CRACDL: variants seen among roughly 807,000 people sequenced by gnomAD.
The protein encoded by CRACDL is CRACD-like protein.
In CRACDL, 26 loss-of-function variants were observed where a neutral mutation model predicts 70.6. That is an observed-to-expected ratio of 0.37 (90% CI 0.27 to 0.51). CRACDL has a LOEUF of 0.51. Ranked by LOEUF, CRACDL falls within the 20% of genes least tolerant of loss-of-function variation. CRACDL has a pLI of 0.94. For missense variants in CRACDL, 1,283 were observed against 1,376.9 expected, an observed-to-expected ratio of 0.93 and a Z score of 1.08; for synonymous variants, 618 against 615.2, an observed-to-expected ratio of 1.00 and a Z score of -0.07.
intron 1 of CRACDL, among the ~76,000 whole-genome samples, chr2:98,864,130 T>C (rs960171003): frequency 1.3e-5 from 2 of 152,152 alleles, no homozygotes; most frequent in African/African-American, 4.8e-5. Context: ...GCATTATTTA[T>C]ATAATAATCA....
chr2:98,802,991 T>C (rs1032638286), intron 7 of CRACDL, among the ~76,000 whole-genome samples: 3 of 150,560 alleles, frequency 2.0e-5, no homozygotes, highest in Non-Finnish European at 3.0e-5. Context: ...GTGAGCCACA[T>C]GCCTGGCTTT....
At chr2:98,833,055 G>A in intron 3 of CRACDL, 58 bp from the exon 4 acceptor site, 1 of 1,522,616 alleles carries the variant, frequency 6.6e-7, no homozygotes, top group South Asian at 1.2e-5. Context: ...GACCCCTGGG[G>A]GGCTCAGAAT....
At chr2:98,810,469 G>GA (rs1431293409) in intron 7 of CRACDL, among the ~76,000 whole-genome samples, 6 of 152,196 alleles carry the variant, frequency 3.9e-5, no homozygotes, top group Non-Finnish European at 8.8e-5. Context: ...AAGAGAGTTG[G>GA]AGGGAGGAGG....
At chr2:98,871,654 T>C (rs1054943329) in intron 1 of CRACDL, among the ~76,000 whole-genome samples, 2 of 152,244 alleles carry the variant, frequency 1.3e-5, no homozygotes, top group African/African-American at 2.4e-5. Context: ...ATTTCACTTC[T>C]GGGGAATTTG....
Position 98,842,549 on chromosome 2 carries a change from C to T in CRACDL, c.70+4182G>A, listed in dbSNP as rs534876086. ...AAGATACAGGACTGTCCTCATGCTG[C>T]CCTTTTGTAGTCCAACATTCCCCGC... On this transcript the variant is annotated intron_variant, in intron 2 of 9. Coordinates refer to ENST00000397899, the MANE Select transcript of CRACDL (RefSeq NM_207362.3). Among the ~76,000 whole-genome samples, 7 of 152,154 alleles carry T rather than the reference C, an allele frequency of 4.6e-5. No homozygotes were observed. The East Asian group carries it at 9.6e-4, about 21-fold the overall frequency.
At chr2:98,864,440 G>A (rs1707051629) in intron 1 of CRACDL, among the ~76,000 whole-genome samples, 1 of 152,154 alleles carries the variant, frequency 6.6e-6, no homozygotes, top group Non-Finnish European at 1.5e-5. Flanking sequence ...TAGAATGGGA[G>A]TGACTGCTAA....
intron 1 of CRACDL, among the ~76,000 whole-genome samples, chr2:98,886,725 C>A (rs1024146485): frequency 2.6e-5 from 4 of 152,106 alleles, no homozygotes; most frequent in African/African-American, 7.2e-5. Context: ...AAAATATAAA[C>A]CTTACAGAAT....
chr2:98,799,009 C>G (rs1233785868), intron 7 of CRACDL, among the ~76,000 whole-genome samples: 1 of 152,132 alleles, frequency 6.6e-6, no homozygotes, highest in Non-Finnish European at 1.5e-5. Context: ...ACAGGTACAT[C>G]AAAAGCATAG....
Position 98,916,537 on chromosome 2 carries a change from T to C in CRACDL, c.-11+19401A>G, listed in dbSNP as rs542639934. On this transcript the variant is annotated intron_variant, in intron 1 of 9. Transcript: ENST00000397899. ...TTAAAAAATGCTGATTATAAAAATA[T>C]AGAAAGATATGAAATCTCCCATAAT... 5.9e-5 allele frequency among the ~76,000 whole-genome samples: 9 copies of C among 152,246 alleles called. No individual in the cohort carries two copies. The South Asian group carries it at 1.2e-3, about 21-fold the overall frequency.
At chr2:98,836,208 C>T (rs72958659) in intron 3 of CRACDL, among the ~76,000 whole-genome samples, 1,808 of 152,228 alleles carry the variant, frequency 0.012, 37 homozygotes, top group African/African-American at 0.041. Context: ...GATAAATGGG[C>T]GTCACTTTAT....
chr2:98,892,173 A>G (rs1707996102), intron 1 of CRACDL, among the ~76,000 whole-genome samples: 1 of 152,188 alleles, frequency 6.6e-6, no homozygotes, highest in Non-Finnish European at 1.5e-5. Context: ...TGACCAGGCA[A>G]TTCCACCTCT....
intron 1 of CRACDL, among the ~76,000 whole-genome samples, chr2:98,914,247 G>A (rs902013519): frequency 6.6e-6 from 1 of 152,232 alleles, no homozygotes; most frequent in Non-Finnish European, 1.5e-5. Context: ...ACATGGGAAG[G>A]GGCCCTTGAG....
At chr2:98,843,036 C>T (rs1344250982) in intron 2 of CRACDL, among the ~76,000 whole-genome samples, 1 of 152,070 alleles carries the variant, frequency 6.6e-6, no homozygotes, top group African/African-American at 2.4e-5. Flanking sequence ...TTGCATTCCT[C>T]CCTTCAATGC....
chr2:98,847,535 A>T (rs939522951), intron 1 of CRACDL, among the ~76,000 whole-genome samples: 21 of 152,188 alleles, frequency 1.4e-4, no homozygotes, highest in African/African-American at 5.1e-4. Flanking sequence ...TAAGCAAATC[A>T]TCCCAGACAT....
chr2:98,903,178 G>C (rs987697596), intron 1 of CRACDL, among the ~76,000 whole-genome samples: 1 of 152,008 alleles, frequency 6.6e-6, no homozygotes, highest in Non-Finnish European at 1.5e-5. Flanking sequence ...TCCGAGCCCC[G>C]GGGCTTCACA....
At chr2:98,897,345 T>A in intron 1 of CRACDL, 3 of 1,296,794 alleles carry the variant, frequency 2.3e-6, no homozygotes, top group Non-Finnish European at 3.1e-6. Context: ...CATCGCTAAA[T>A]ATATATTTGC....
intron 1 of CRACDL, among the ~76,000 whole-genome samples, chr2:98,851,047 T>C (rs1301743150): frequency 6.6e-6 from 1 of 152,240 alleles, no homozygotes; most frequent in African/African-American, 2.4e-5. Flanking sequence ...TAATTATGTA[T>C]GAAAGCTTTA....
At chr2:98,811,267 T>C in intron 7 of CRACDL, among the ~76,000 whole-genome samples, 1 of 151,784 alleles carries the variant, frequency 6.6e-6, no homozygotes, top group East Asian at 1.9e-4. Flanking sequence ...ATCCCAGCAC[T>C]TTGGGAGGCT....
At chr2:98,903,208 C>T (rs760898216) in intron 1 of CRACDL, among the ~76,000 whole-genome samples, 6 of 152,128 alleles carry the variant, frequency 3.9e-5, no homozygotes, top group Non-Finnish European at 5.9e-5. Context: ...AGATTCAGCA[C>T]CTTGATCAAA....
Sources: allele counts gnomAD v4.1 joint callset (sites outside exome capture counted in the v4.1 genomes callset), GRCh38; gene constraint gnomAD v4.1.1; transcripts MANE v1.5; gene names NCBI Gene and HGNC (gene_info 2026-07-23, HGNC 2026-07-21).